Variants in HEPH observed in about 807,000 individuals in gnomAD.
HEPH encodes hephaestin.
HEPH carries 69 observed loss-of-function variants against 80.8 expected under a neutral mutation model. That is an observed-to-expected ratio of 0.85 (90% CI 0.70 to 1.04). The LOEUF (loss-of-function observed/expected upper bound fraction) is 1.04. Among genes scored for constraint, HEPH ranks in the 50% least tolerant of loss-of-function variants. The pLI, the probability that HEPH is intolerant of heterozygous loss-of-function variation, is 0.00. For missense variants in HEPH, 1,115 were observed against 891.3 expected (o/e 1.25, Z -3.20); for synonymous variants, 431 against 322.8 (o/e 1.34, Z -3.60).
At chrX:66,221,925 G>A (rs1395293474) in intron 15 of HEPH, among the ~76,000 whole-genome samples, 1 of 111,765 alleles carries the variant, frequency 8.9e-6, no homozygotes, top group Admixed American at 9.4e-5. Context: ...ACCCATAAGG[G>A]GCTTCTCTTG....
chrX:66,231,244 T>A (rs1378263837), intron 15 of HEPH, among the ~76,000 whole-genome samples: 1 of 109,086 alleles, frequency 9.2e-6, no homozygotes, highest in African/African-American at 3.4e-5. Flanking sequence ...GGCTTAGGAT[T>A]GACTTGGTGA....
chrX:66,226,865 T>G (rs568688189), intron 15 of HEPH, among the ~76,000 whole-genome samples: 1 of 111,298 alleles, frequency 9.0e-6, no homozygotes, highest in South Asian at 3.8e-4. Context: ...GCAAAGAAGA[T>G]TTGGTACCCA....
At chrX:66,265,447 A>T (rs1219472039) in intron 20 of HEPH, among the ~76,000 whole-genome samples, 1 of 110,733 alleles carries the variant, frequency 9.0e-6, no homozygotes, top group Non-Finnish European at 1.9e-5. Context: ...TAAATTTTAC[A>T]ATATGCCTCT....
intron 1 of HEPH, among the ~76,000 whole-genome samples, chrX:66,169,066 C>T (rs2086483281): frequency 9.0e-6 from 1 of 111,098 alleles, no homozygotes; most frequent in Admixed American, 9.6e-5. Flanking sequence ...GCTGGAGCCA[C>T]ACTTCCTGGG....
At chrX:66,175,199 G>A (rs371990270) in intron 4 of HEPH, among the ~76,000 whole-genome samples, 46 of 112,016 alleles carry the variant, frequency 4.1e-4, no homozygotes, top group East Asian at 3.3e-3. Flanking sequence ...TAAGGTGAGC[G>A]TTAAGGATCC....
intron 15 of HEPH, among the ~76,000 whole-genome samples, chrX:66,213,388 A>G (rs1456400864): frequency 1.8e-5 from 2 of 111,877 alleles, no homozygotes; most frequent in African/African-American, 6.5e-5. Context: ...CACAATAGCA[A>G]AGACTTGGAA....
chrX:66,194,089 T>C (rs1038277121), intron 8 of HEPH, among the ~76,000 whole-genome samples: 19 of 111,789 alleles, frequency 1.7e-4, no homozygotes, highest in African/African-American at 6.2e-4. Context: ...AGAATAGGCT[T>C]AGAGTCTGAA....
At chrX:66,248,284 A>G (rs1006971082) in intron 15 of HEPH, among the ~76,000 whole-genome samples, 4 of 111,960 alleles carry the variant, frequency 3.6e-5, no homozygotes, top group Non-Finnish European at 7.5e-5. Context: ...ACCATTTTTA[A>G]GTTTTAAACT....
At chrX:66,249,214 G>A in intron 15 of HEPH, among the ~76,000 whole-genome samples, 1 of 110,990 alleles carries the variant, frequency 9.0e-6, no homozygotes, top group East Asian at 2.8e-4. Flanking sequence ...AGTGGTAAAA[G>A]GAATTTTCAA....
At chrX:66,188,002 G>T (rs1462078496) in intron 4 of HEPH, among the ~76,000 whole-genome samples, 1 of 111,398 alleles carries the variant, frequency 9.0e-6, no homozygotes, top group Non-Finnish European at 1.9e-5. Flanking sequence ...TGAAAGTGTG[G>T]TCATCAGGGT....
At position 66,207,963 on chromosome X, in the gene HEPH, G is replaced by A. The variant is rs149478518; in HGVS notation, c.2432-152G>A. The A allele has an allele frequency of 2.8e-3, 1,125 of 399,746 alleles. 16 individuals carry two copies. Among genetic ancestry groups the A allele is most frequent in the African/African-American group, 0.024 (948 of 39,546 alleles). 32.9% of individuals were successfully genotyped at this position (399,746 alleles called of 1,213,427 possible). ...TTAAGGACTTCTGAATCTTAAAATG[G>A]AGCCAGCCATGCCTTCTAGGTCTTA... is the stretch of plus-strand genomic sequence containing the variant. On this transcript the variant is annotated intron_variant, in intron 14 of 20. Coordinates refer to ENST00000343002, the MANE Select transcript of HEPH (RefSeq NM_001367233.3).
rs1450355233 is a variant in HEPH at position 66,208,265 on chromosome X, T to A, written c.2563+19T>A. The A allele has an allele frequency of 8.3e-7, 1 of 1,197,955 alleles. No individual in the cohort carries two copies. Among genetic ancestry groups the A allele is most frequent in the Admixed American group, 2.2e-5 (1 of 44,727 alleles). On this transcript the variant is annotated intron_variant, in intron 15 of 20. Transcript: ENST00000343002. ...GAGCCTGGTGAGTGGGGACACTTAG[T>A]GAAAGAACAAAGGACATGCATCACG...
intron 4 of HEPH, among the ~76,000 whole-genome samples, chrX:66,176,065 G>C (rs1270082981): frequency 9.0e-6 from 1 of 111,294 alleles, no homozygotes; most frequent in Non-Finnish European, 1.9e-5. Context: ...AAGAGGAGTG[G>C]TGAGAGTGGG....
At chrX:66,231,677 G>A (rs1050841139) in intron 15 of HEPH, among the ~76,000 whole-genome samples, 1 of 109,120 alleles carries the variant, frequency 9.2e-6, no homozygotes, top group African/African-American at 3.4e-5. Flanking sequence ...GAGATTTTGG[G>A]CTGAGACAGT....
At chrX:66,189,657 A>T (rs1402845042) in intron 5 of HEPH, 27 bp from the exon 6 acceptor site, 1 of 1,197,241 alleles carries the variant, frequency 8.4e-7, no homozygotes, top group Non-Finnish European at 1.1e-6. Flanking sequence ...CCTAATCCTG[A>T]TATTTTCTTT....
At chrX:66,224,997 C>G (rs764865102) in intron 15 of HEPH, among the ~76,000 whole-genome samples, 3 of 109,903 alleles carry the variant, frequency 2.7e-5, no homozygotes, top group Middle Eastern at 4.7e-3. Flanking sequence ...CTCTCAACCA[C>G]TGTGGTGGGG....
At chrX:66,224,469 G>A (rs979348743) in intron 15 of HEPH, among the ~76,000 whole-genome samples, 1 of 112,266 alleles carries the variant, frequency 8.9e-6, no homozygotes, top group Non-Finnish European at 1.9e-5. Flanking sequence ...GGAATTTTCA[G>A]TGGTTAATGT....
At chrX:66,238,767 A>T (rs2090458189) in intron 15 of HEPH, among the ~76,000 whole-genome samples, 1 of 111,894 alleles carries the variant, frequency 8.9e-6, no homozygotes, top group South Asian at 3.7e-4. Context: ...CAGCCTTCAG[A>T]GCTGAGAGCC....
intron 15 of HEPH, among the ~76,000 whole-genome samples, chrX:66,214,241 G>A (rs2089286450): frequency 1.8e-5 from 2 of 112,204 alleles, no homozygotes; most frequent in African/African-American, 6.5e-5. Context: ...ATTAATTCAG[G>A]TAAGAGATGA....
Sources: gnomAD v4.1 joint callset for allele counts (sites outside exome capture counted in the v4.1 genomes callset) on GRCh38, gnomAD v4.1.1 for gene constraint, MANE v1.5 for transcripts, NCBI Gene and HGNC (gene_info 2026-07-23, HGNC 2026-07-21) for gene names.